SFXN5: variants seen among roughly 807,000 people sequenced by gnomAD.
The protein encoded by SFXN5 is sideroflexin 5.
A neutral mutation model predicts 50.2 loss-of-function variants in SFXN5; 43 were observed. That is an observed-to-expected ratio of 0.86 (90% CI 0.67 to 1.11). The LOEUF (loss-of-function observed/expected upper bound fraction) is 1.11. Ranked by LOEUF, SFXN5 falls within the 50% of genes least tolerant of loss-of-function variation. The probability of loss-of-function intolerance (pLI) is 0.00; values close to 1 mark genes in which losing one functional copy is unlikely to be tolerated. For missense variants in SFXN5, 463 were observed against 454.1 expected (o/e 1.02, Z -0.18); for synonymous variants, 203 against 185.8 (o/e 1.09, Z -0.75).
intron 1 of SFXN5, among the ~76,000 whole-genome samples, chr2:73,066,403 C>T (rs543208474): frequency 6.6e-6 from 1 of 151,880 alleles, no homozygotes; most frequent in South Asian, 2.1e-4. Flanking sequence ...ACTAAAAATA[C>T]AAAAATTAGC....
Position 73,032,704 on chromosome 2 carries a change from T to A in SFXN5, c.249+8150A>T, listed in dbSNP as rs1156743978. On this transcript the variant is annotated intron_variant, in intron 3 of 13. Transcript: ENST00000272433. ...TCCCCTCTGCCTCCTTCCAAGCTGC[T>A]TCTCCAAACCTCCCAAGGCAGCAAA... 3.9e-5 allele frequency among the ~76,000 whole-genome samples: 6 copies of A among 152,168 alleles called. No homozygotes were observed. The East Asian group carries it at 9.7e-4, about 25-fold the overall frequency.
At chr2:72,957,801 C>G (rs1477821594) in intron 13 of SFXN5, among the ~76,000 whole-genome samples, 1 of 152,224 alleles carries the variant, frequency 6.6e-6, no homozygotes, top group Non-Finnish European at 1.5e-5. Context: ...TCAAAACACC[C>G]CATAATGCCC....
At chr2:73,006,137 T>C (rs1674605283) in intron 6 of SFXN5, among the ~76,000 whole-genome samples, 1 of 151,940 alleles carries the variant, frequency 6.6e-6, no homozygotes, top group African/African-American at 2.4e-5. Flanking sequence ...CTTGCCCTGC[T>C]GAGCATCTGA....
chr2:73,045,971 G>C (rs2105948025), intron 2 of SFXN5, among the ~76,000 whole-genome samples: 1 of 152,294 alleles, frequency 6.6e-6, no homozygotes, highest in African/African-American at 2.4e-5. Flanking sequence ...AGGAGGCCAA[G>C]TGAGGTAAAC....
chr2:73,000,379 T>C (rs1264700353), intron 8 of SFXN5, 52 bp downstream of exon 8: 12 of 1,530,098 alleles, frequency 7.8e-6, no homozygotes, highest in Non-Finnish European at 1.1e-5. Flanking sequence ...GGAGGATGAC[T>C]GGGCCTCCCT....
intron 2 of SFXN5, among the ~76,000 whole-genome samples, chr2:73,047,559 C>A (rs1410303583): frequency 2.6e-5 from 4 of 151,540 alleles, no homozygotes; most frequent in Admixed American, 2.6e-4. Flanking sequence ...GCAATTTCCC[C>A]CATACTGTTC....
intron 1 of SFXN5, among the ~76,000 whole-genome samples, chr2:73,068,552 C>G (rs1243928236): frequency 6.6e-6 from 1 of 152,100 alleles, no homozygotes; most frequent in African/African-American, 2.4e-5. Context: ...GTTGGTCCAC[C>G]TCCCCAGTCA....
chr2:73,054,146 A>T (rs1681770361), intron 2 of SFXN5, among the ~76,000 whole-genome samples: 1 of 152,198 alleles, frequency 6.6e-6, no homozygotes, highest in South Asian at 2.1e-4. Context: ...GGAGCCTAGA[A>T]GATCTTCTGT....
At chr2:73,012,928 C>A (rs145210573) in intron 6 of SFXN5, among the ~76,000 whole-genome samples, 1 of 151,964 alleles carries the variant, frequency 6.6e-6, no homozygotes, top group Non-Finnish European at 1.5e-5. Flanking sequence ...TATAATGCAA[C>A]CTCTCTGTAC....
At chr2:72,968,630 G>T (rs1674762921) in intron 11 of SFXN5, 97 bp from the exon 12 acceptor site, 2 of 1,138,736 alleles carry the variant, frequency 1.8e-6, no homozygotes, top group Non-Finnish European at 2.6e-6. Context: ...CACAACGCAT[G>T]TGTGTCTGAA....
chr2:73,044,387 C>T (rs914056622), intron 2 of SFXN5: 3 of 152,338 alleles, frequency 2.0e-5, no homozygotes, highest in African/African-American at 7.2e-5. Flanking sequence ...GGGGCTGAGG[C>T]TCCAGGCCTG....
At chr2:72,997,238 C>G (rs1673357859) in intron 9 of SFXN5, 2 of 152,144 alleles carry the variant, frequency 1.3e-5, no homozygotes, top group Non-Finnish European at 2.9e-5. Context: ...ATAAATGAGG[C>G]CATTTCAGGA....
At chr2:73,004,599 A>C (rs530898415) in intron 6 of SFXN5, among the ~76,000 whole-genome samples, 5 of 152,282 alleles carry the variant, frequency 3.3e-5, no homozygotes, top group African/African-American at 1.2e-4. Flanking sequence ...CCGAGACAGC[A>C]GAGAGACTGG....
rs894499981 is a variant in SFXN5 at position 72,944,065 on chromosome 2, G to A, written c.*957C>T. The A allele has an allele frequency of 6.6e-6, 1 of 152,274 alleles. No homozygotes were observed. The highest frequency in any genetic ancestry group is 2.4e-5 in the African/African-American group (1 of 41,446). The allele number at this position is 152,274 out of a possible 1,614,324, so 9.4% of individuals were successfully genotyped here. A position where few individuals can be genotyped will look rare whatever the true frequency, so the allele number is the denominator to read the frequency against. On this transcript the variant is annotated 3_prime_UTR_variant, in exon 14 of 14. Coordinates refer to ENST00000272433, the MANE Select transcript of SFXN5 (RefSeq NM_144579.3). ...CTTCCTGCTTAGAAAGGGATGGGAT[G>A]GGGCAGGCAGCCTTGGTGGCTGGAG...
chr2:72,995,257 G>T (rs1673080064), intron 9 of SFXN5, among the ~76,000 whole-genome samples: 1 of 152,186 alleles, frequency 6.6e-6, no homozygotes, highest in South Asian at 2.1e-4. Context: ...AAAACAGTGA[G>T]GATTGAGAGA....
chr2:73,013,791 A>C (rs1226049268), intron 6 of SFXN5, among the ~76,000 whole-genome samples: 1 of 152,068 alleles, frequency 6.6e-6, no homozygotes, highest in African/African-American at 2.4e-5. Flanking sequence ...TTTTTTTGTG[A>C]AGATGTTTTT....
At chr2:73,032,478 TC>T (rs1012484866) in intron 3 of SFXN5, among the ~76,000 whole-genome samples, 4 of 152,214 alleles carry the variant, frequency 2.6e-5, no homozygotes, top group African/African-American at 9.6e-5. Flanking sequence ...GGCTGGAAGA[TC>T]CCAGAAGTTG....
intron 12 of SFXN5, among the ~76,000 whole-genome samples, chr2:72,964,947 G>C (rs561426811): frequency 6.6e-6 from 1 of 152,336 alleles, no homozygotes; most frequent in South Asian, 2.1e-4. Flanking sequence ...GGAAGGGCAC[G>C]GTCTCTGGCT....
At position 72,945,036 on chromosome 2, in the gene SFXN5, T is replaced by G; in HGVS notation, c.1009A>C (p.Asn337His). 1.9e-6 allele frequency: 3 copies of G among 1,613,896 alleles called. No homozygotes were observed. The highest frequency in any genetic ancestry group is 2.5e-6 in the Non-Finnish European group (3 of 1,179,878). ...QATSSRTVVY[N>H]KGL ...GCTGACCACACTCACAACCCCTTGT[T>G]GTACACCACTGTCCGGCTGCTCGTG... The change falls in exon 14 of 14, where the codon AAC becomes CAC. Residue 337 changes from asparagine (N) to histidine (H), a missense_variant. Transcript: ENST00000272433. This position sits in a 1 kb window ranked among gnomAD's most constrained non-coding sequence, Gnocchi z 5.8.
Sources: gnomAD v4.1 joint callset for allele counts (sites outside exome capture counted in the v4.1 genomes callset) on GRCh38, gnomAD v4.1.1 for gene constraint, Gnocchi (gnomAD v3.1) non-coding constraint, MANE v1.5 for transcripts, NCBI Gene and HGNC (gene_info 2026-07-23, HGNC 2026-07-21) for gene names.